The following PLSCR2 variants were observed in gnomAD, a reference collection of about 807,000 sequenced individuals.
PLSCR2 encodes phospholipid scramblase 2.
In PLSCR2, 18 loss-of-function variants were observed where a neutral mutation model predicts 25.3. That is an observed-to-expected ratio of 0.71 (90% CI 0.49 to 1.06). The LOEUF is 1.06. PLSCR2 is among the 50% of genes least tolerant of loss of function. The probability of loss-of-function intolerance (pLI) is 0.00; values close to 1 mark genes in which losing one functional copy is unlikely to be tolerated. For synonymous variants in PLSCR2, 88 were observed against 87.3 expected (o/e 1.01, Z -0.04); for missense variants, 243 against 269.5 (o/e 0.90, Z 0.69).
At chr3:146,483,428 AATAT>A (rs546837366) in intron 1 of PLSCR2, among the ~76,000 whole-genome samples, 2 of 103,706 alleles carry the variant, frequency 1.9e-5, no homozygotes, top group African/African-American at 3.8e-5. Flanking sequence ...ACTTAAACTT[AATAT>A]ATATATATAT....
At chr3:146,437,035 T>C (rs966685412), downstream of PLSCR2, among the ~76,000 whole-genome samples, 1 of 152,194 alleles carries the variant, frequency 6.6e-6, no homozygotes, top group African/African-American at 2.4e-5. Context: ...GAGATAATCA[T>C]GTGTTTTTTG....
At chr3:146,475,432 T>C (rs1403036684) in intron 1 of PLSCR2, among the ~76,000 whole-genome samples, 1 of 152,182 alleles carries the variant, frequency 6.6e-6, no homozygotes, top group African/African-American at 2.4e-5. Context: ...CTTCAGGCCC[T>C]ATTCATCTTA....
intron 6 of PLSCR2, among the ~76,000 whole-genome samples, chr3:146,447,040 G>A (rs922710852): frequency 2.0e-5 from 3 of 152,110 alleles, no homozygotes; most frequent in Non-Finnish European, 2.9e-5. Context: ...AGTGCTCTTC[G>A]GTCAGCTTGT....
At chr3:146,433,315 T>A (rs2039622318) in exon 9 of PLSCR2, 2 of 152,164 alleles carry the variant, frequency 1.3e-5, no homozygotes, top group Admixed American at 1.3e-4. Flanking sequence ...GTATTTTTAT[T>A]AATTAACTTG....
downstream of PLSCR2, among the ~76,000 whole-genome samples, chr3:146,440,564 C>A (rs2040178573): frequency 6.6e-6 from 1 of 152,204 alleles, no homozygotes; most frequent in Non-Finnish European, 1.5e-5. Context: ...GGGCATGGGA[C>A]CCTCTGAGAC....
At chr3:146,431,611 G>A (rs1432119992), downstream of PLSCR2, among the ~76,000 whole-genome samples, 1 of 152,200 alleles carries the variant, frequency 6.6e-6, no homozygotes, top group Non-Finnish European at 1.5e-5. Context: ...CAATAATTGA[G>A]TGGAAAGAAC....
chr3:146,417,408 T>A (rs1178476097), intron 2 of PLSCR2, among the ~76,000 whole-genome samples: 1 of 108,260 alleles, frequency 9.2e-6, no homozygotes, highest in Admixed American at 1.0e-4. Flanking sequence ...AGAAGAAACA[T>A]ACTTTGAAAA....
chr3:146,440,123 C>T (rs1267046025), downstream of PLSCR2, among the ~76,000 whole-genome samples: 3 of 152,142 alleles, frequency 2.0e-5, no homozygotes, highest in East Asian at 5.8e-4. Flanking sequence ...GCTGCCTGAT[C>T]CTTCCTCTGG....
At chr3:146,396,905 C>T (rs1225806361) in intron 2 of PLSCR2, among the ~76,000 whole-genome samples, 1 of 152,080 alleles carries the variant, frequency 6.6e-6, no homozygotes, top group African/African-American at 2.4e-5. Context: ...ATCTCTTATA[C>T]TACAGAAAAA....
rs749363538 is a variant in PLSCR2 at position 146,449,247 on chromosome 3, C to G, written c.604G>C (p.Val202Leu). 7.4e-6 allele frequency: 12 copies of G among 1,612,928 alleles called. No homozygotes were observed. The African/African-American group carries it at 9.4e-5, about 13-fold the overall frequency. Residue 202 changes from valine (V) to leucine (L), a missense_variant, in exon 6 of 7, where the codon GTT becomes CTT. Val to Leu is a conservative substitution (Grantham distance 32). Transcript: ENST00000610787. Reference sequence around the variant, plus strand: ...CCAATCATCACGGCTTTCATTTTAACATCAAGGTCTCTAGGGAATTGGATT... The same window carrying G: ...CCAATCATCACGGCTTTCATTTTAAGATCAAGGTCTCTAGGGAATTGGATT...
chr3:146,472,538 T>C (rs1449362359), intron 1 of PLSCR2, among the ~76,000 whole-genome samples: 1 of 152,186 alleles, frequency 6.6e-6, no homozygotes, highest in African/African-American at 2.4e-5. Flanking sequence ...TTCTAACACA[T>C]ACATGGCATC....
chr3:146,451,107 CTTTTTTTT>C (rs58373001), intron 5 of PLSCR2, among the ~76,000 whole-genome samples: 10 of 79,502 alleles, frequency 1.3e-4, no homozygotes, highest in East Asian at 1.2e-3. Context: ...ATTAAGTTTT[CTTTTTTTT>C]TTTTTTTTTT....
chr3:146,480,403 G>T (rs2043087812), intron 1 of PLSCR2, among the ~76,000 whole-genome samples: 1 of 152,018 alleles, frequency 6.6e-6, no homozygotes, highest in African/African-American at 2.4e-5. Context: ...TCATAAAGGG[G>T]ATATCACCAC....
At chr3:146,483,287 TG>T (rs1182126775) in intron 1 of PLSCR2, among the ~76,000 whole-genome samples, 2 of 8,660 alleles carry the variant, frequency 2.3e-4, no homozygotes, top group Admixed American at 1.6e-3. Context: ...GAACGGGGGG[TG>T]GGGGGCTGGG....
Position 146,492,872 on chromosome 3 carries a change from T to C in PLSCR2, c.-293+3023A>G, listed in dbSNP as rs143169670. On this transcript the variant is annotated intron_variant, in intron 1 of 8. Transcript: ENST00000336685. Reference sequence around the variant, plus strand: ...TAACTTAGACCAAAACTTGGTTTTTTAAAAGAAAAATCAAGCTTGCTTTGA... The same window carrying C: ...TAACTTAGACCAAAACTTGGTTTTTCAAAAGAAAAATCAAGCTTGCTTTGA... 2.5e-3 allele frequency among the ~76,000 whole-genome samples: 375 copies of C among 151,918 alleles called. 1 individual carries two copies. Among genetic ancestry groups the C allele is most frequent in the African/African-American group, 7.8e-3 (323 of 41,462 alleles).
intron 2 of PLSCR2, among the ~76,000 whole-genome samples, chr3:146,398,237 C>A (rs1457331585): frequency 6.6e-6 from 1 of 151,724 alleles, no homozygotes; most frequent in African/African-American, 2.4e-5. Context: ...TGGCTATAAT[C>A]TGAGAAGTAA....
At chr3:146,393,682 G>A (rs747358167) in intron 3 of PLSCR2, among the ~76,000 whole-genome samples, 2 of 151,384 alleles carry the variant, frequency 1.3e-5, no homozygotes. Context: ...GGTGGCATGC[G>A]CTTGTAGTCC....
chr3:146,486,746 G>A (rs1380799509), intron 1 of PLSCR2, among the ~76,000 whole-genome samples: 1 of 151,902 alleles, frequency 6.6e-6, no homozygotes, highest in Non-Finnish European at 1.5e-5. Flanking sequence ...ATACAAAGAG[G>A]GACTGGTACC....
At chr3:146,455,180 A>C (rs1443161033) in intron 4 of PLSCR2, 59 bp downstream of exon 4, 2 of 1,097,680 alleles carry the variant, frequency 1.8e-6, no homozygotes, top group African/African-American at 3.1e-5. Flanking sequence ...AGATTCAATA[A>C]AAGGGTGGAA....
Sources: gnomAD v4.1 joint callset for allele counts (sites outside exome capture counted in the v4.1 genomes callset) on GRCh38, gnomAD v4.1.1 for gene constraint, MANE v1.5 for transcripts, NCBI Gene and HGNC (gene_info 2026-07-23, HGNC 2026-07-21) for gene names.